Variants in KAZN observed in about 807,000 individuals in gnomAD.
The protein encoded by KAZN is kazrin.
KAZN carries 40 observed loss-of-function variants against 87.4 expected under a neutral mutation model. The observed-to-expected ratio is 0.46, with a 90% CI of 0.36 to 0.60. KAZN has a LOEUF of 0.60. Ranked by LOEUF, KAZN falls within the 20% of genes least tolerant of loss-of-function variation. KAZN has a pLI of 0.00. For missense variants in KAZN, 898 were observed against 1,073.9 expected, an observed-to-expected ratio of 0.84 and a Z score of 2.29; for synonymous variants, 466 against 458.3, an observed-to-expected ratio of 1.02 and a Z score of -0.22.
At chr1:14,701,924 G>C (rs1441490927) in intron 1 of KAZN, among the ~76,000 whole-genome samples, 1 of 152,134 alleles carries the variant, frequency 6.6e-6, no homozygotes, top group Non-Finnish European at 1.5e-5. Context: ...ACCCCACCTA[G>C]CCTCTGGTCT....
At chr1:14,777,002 GTGTTT>G (rs1169928290) in intron 1 of KAZN, among the ~76,000 whole-genome samples, 1 of 146,368 alleles carries the variant, frequency 6.8e-6, no homozygotes, top group East Asian at 1.9e-4. Context: ...GTTTTGTTTT[GTGTTT>G]TGTTTTGTTT....
At chr1:14,226,551 G>A (rs1337934747) in intron 2 of KAZN, among the ~76,000 whole-genome samples, 2 of 152,124 alleles carry the variant, frequency 1.3e-5, no homozygotes, top group Non-Finnish European at 2.9e-5. Flanking sequence ...CTATTACTGG[G>A]TATACAGCCA....
At chr1:14,370,681 T>C (rs1019684130) in intron 2 of KAZN, among the ~76,000 whole-genome samples, 2 of 152,150 alleles carry the variant, frequency 1.3e-5, no homozygotes, top group Non-Finnish European at 2.9e-5. Context: ...ATGAAGTTAA[T>C]TTGTATCTTC....
chr1:14,896,604 G>A (rs1309975034), intron 1 of KAZN, among the ~76,000 whole-genome samples: 2 of 152,176 alleles, frequency 1.3e-5, no homozygotes, highest in Non-Finnish European at 2.9e-5. Context: ...TGCTGGTGGG[G>A]AGCAGGCTGC....
chr1:13,949,407 G>A (rs1053944397), intron 1 of KAZN, among the ~76,000 whole-genome samples: 1 of 152,202 alleles, frequency 6.6e-6, no homozygotes, highest in African/African-American at 2.4e-5. Flanking sequence ...GGCTTTGAAA[G>A]CAACCACTAA....
At chr1:14,764,514 G>A (rs767740844) in intron 1 of KAZN, among the ~76,000 whole-genome samples, 14 of 151,612 alleles carry the variant, frequency 9.2e-5, no homozygotes, top group African/African-American at 2.4e-4. Context: ...CCCATAGAAC[G>A]TAAGCTTTTT....
At chr1:14,602,344 G>GT in intron 1 of KAZN, among the ~76,000 whole-genome samples, 1 of 152,320 alleles carries the variant, frequency 6.6e-6, no homozygotes, top group Admixed American at 6.5e-5. Context: ...CTGCAACTGA[G>GT]TTGGATAATC....
chr1:14,871,649 AGTGTGTGTGT>A (rs3033520), intron 1 of KAZN, among the ~76,000 whole-genome samples: 3 of 144,550 alleles, frequency 2.1e-5, no homozygotes, highest in East Asian at 2.1e-4. Context: ...CATGAGCAGC[AGTGTGTGTGT>A]GTGTGTGTGT....
intron 2 of KAZN, among the ~76,000 whole-genome samples, chr1:14,397,809 C>T (rs138605763): frequency 1.6e-4 from 22 of 141,044 alleles, no homozygotes; most frequent in African/African-American, 5.1e-4. Context: ...TGCCATGAGC[C>T]GAGATCTCAC....
chr1:14,497,798 G>A (rs1472386217), intron 2 of KAZN, among the ~76,000 whole-genome samples: 1 of 151,654 alleles, frequency 6.6e-6, no homozygotes, highest in Non-Finnish European at 1.5e-5. Flanking sequence ...GGGAACTATT[G>A]GGTGGCTGAT....
At chr1:14,340,659 T>G (rs1657612715) in intron 2 of KAZN, among the ~76,000 whole-genome samples, 1 of 152,206 alleles carries the variant, frequency 6.6e-6, no homozygotes, top group African/African-American at 2.4e-5. Context: ...GCACAATGCT[T>G]GCTGTCTGTA....
chr1:14,777,163 T>TG (rs2100624511), intron 1 of KAZN, among the ~76,000 whole-genome samples: 1 of 72,994 alleles, frequency 1.4e-5, no homozygotes, highest in African/African-American at 4.4e-5. Flanking sequence ...AATTTTTTTT[T>TG]TTTTTTGTAT....
At chr1:13,986,558 TGC>T (rs1639027878) in intron 1 of KAZN, among the ~76,000 whole-genome samples, 1 of 152,232 alleles carries the variant, frequency 6.6e-6, no homozygotes, top group Non-Finnish European at 1.5e-5. Flanking sequence ...AATTTGACTT[TGC>T]CTATTTTTGG....
intron 2 of KAZN, among the ~76,000 whole-genome samples, chr1:14,388,298 G>A (rs1662124932): frequency 6.6e-6 from 1 of 152,184 alleles, no homozygotes; most frequent in South Asian, 2.1e-4. Flanking sequence ...GCTGGGAGCT[G>A]TAGACCGGAG....
At position 14,563,874 on chromosome 1, in the gene KAZN, C is replaced by CTTTTTTTTTTTTT. The variant is rs540880203; in HGVS notation, c.250-35107_250-35095dup. ...TGCACTCAGAGTATGGTTCAAACTCCTTTTTTTTTTTTTTGTCTGAGACAG... is the reference window on the plus strand; with the variant it reads ...TGCACTCAGAGTATGGTTCAAACTCCTTTTTTTTTTTTTTTTTTTTTTTTTTTGTCTGAGACAG... On this transcript the variant is annotated intron_variant, in intron 2 of 16. Transcript: ENST00000636203. 4.4e-4 allele frequency among the ~76,000 whole-genome samples: 43 copies of CTTTTTTTTTTTTT among 97,932 alleles called. 11 individuals carry two copies. In the East Asian group the frequency reaches 5.9e-3, roughly 13 times the overall value. 64.2% of individuals were successfully genotyped at this position (97,932 alleles called of 152,430 possible).
At chr1:14,780,198 T>G (rs1313948339) in intron 1 of KAZN, among the ~76,000 whole-genome samples, 1 of 152,220 alleles carries the variant, frequency 6.6e-6, no homozygotes, top group African/African-American at 2.4e-5. Context: ...CCTCAAAGCC[T>G]TGGCCCGATC....
chr1:14,108,473 T>C (rs1644427866), intron 1 of KAZN, among the ~76,000 whole-genome samples: 1 of 152,144 alleles, frequency 6.6e-6, no homozygotes, highest in African/African-American at 2.4e-5. Context: ...CTGAACTGTT[T>C]TTAAGAGGCT....
rs1057429528 is a variant in KAZN, at chr1:14,491,444, C to A, written c.250-107539C>A. ...ATTAGGTATTTCTCCTAATGCTATC[C>A]CTCCCCTAGTCCCCTACCCGCCGAC... is the stretch of plus-strand genomic sequence containing the variant. On this transcript the variant is annotated intron_variant, in intron 2 of 16. Coordinates refer to the KAZN transcript ENST00000636203. Among the ~76,000 whole-genome samples, 22 of 152,108 alleles carry A rather than the reference C, an allele frequency of 1.4e-4. 1 individual carries two copies. Among genetic ancestry groups the A allele is most frequent in the Admixed American group, 1.2e-3 (19 of 15,272 alleles).
Position 14,490,795 on chromosome 1 carries a change from G to A in KAZN, c.250-108188G>A, listed in dbSNP as rs117672412. 7.9e-5 allele frequency among the ~76,000 whole-genome samples: 12 copies of A among 152,236 alleles called. No individual in the cohort carries two copies. In the East Asian group the frequency reaches 2.3e-3, roughly 29 times the overall value. On this transcript the variant is annotated intron_variant, in intron 2 of 16. Transcript: ENST00000636203. ...TTTTTAAATGTAGAAAAAATACAAA[G>A]AGGAGAATAAAATTCACCTGCCATG... is the stretch of plus-strand genomic sequence containing the variant.
Sources: allele counts gnomAD v4.1 joint callset (sites outside exome capture counted in the v4.1 genomes callset), GRCh38; gene constraint gnomAD v4.1.1; transcripts MANE v1.5; gene names NCBI Gene and HGNC (gene_info 2026-07-23, HGNC 2026-07-21).